Variants in DIO1 observed in about 807,000 individuals in gnomAD.
DIO1 encodes the protein type I iodothyronine deiodinase.
In DIO1, 17 loss-of-function variants were observed where a neutral mutation model predicts 25.9. That is an observed-to-expected ratio of 0.66 (90% CI 0.45 to 0.98). The LOEUF is 0.98. Among genes scored for constraint, DIO1 ranks in the 50% least tolerant of loss-of-function variants. The probability of loss-of-function intolerance (pLI) is 0.00; values close to 1 mark genes in which losing one functional copy is unlikely to be tolerated. For missense variants in DIO1, 270 were observed against 310.4 expected (o/e 0.87, Z 0.98); for synonymous variants, 115 against 114.0 (o/e 1.01, Z -0.05).
At chr1:53,901,321 C>G (rs1019562205) in intron 1 of DIO1, among the ~76,000 whole-genome samples, 1 of 152,110 alleles carries the variant, frequency 6.6e-6, no homozygotes. Flanking sequence ...TTTTCTTGGT[C>G]ACACACACAT....
intron 1 of DIO1, among the ~76,000 whole-genome samples, chr1:53,899,508 T>C (rs1557620994): frequency 6.6e-6 from 1 of 152,198 alleles, no homozygotes. Context: ...GTTTAAACTT[T>C]GCCCTCAATA....
At chr1:53,900,880 T>A (rs1017111257) in intron 1 of DIO1, among the ~76,000 whole-genome samples, 20 of 150,156 alleles carry the variant, frequency 1.3e-4, no homozygotes, top group East Asian at 9.9e-4. Flanking sequence ...AATGGCACAA[T>A]CACAGCTGAC....
At chr1:53,901,359 G>T (rs1023617231) in intron 1 of DIO1, among the ~76,000 whole-genome samples, 2 of 152,148 alleles carry the variant, frequency 1.3e-5, no homozygotes, top group South Asian at 2.1e-4. Context: ...TACTGGAAAG[G>T]TGTTGAGTGC....
At chr1:53,897,303 T>C (rs576424767) in intron 1 of DIO1, among the ~76,000 whole-genome samples, 8 of 152,054 alleles carry the variant, frequency 5.3e-5, no homozygotes, top group Non-Finnish European at 1.0e-4. Flanking sequence ...TGATGAAACC[T>C]CGTCTCTACT....
At chr1:53,900,536 G>A (rs567339537) in intron 1 of DIO1, among the ~76,000 whole-genome samples, 6 of 152,258 alleles carry the variant, frequency 3.9e-5, no homozygotes, top group East Asian at 3.9e-4. Flanking sequence ...CTTGGGAGGC[G>A]GAGGTTGCAG....
chr1:53,906,662 CTT>C (rs554046743), intron 3 of DIO1, among the ~76,000 whole-genome samples: 3 of 144,360 alleles, frequency 2.1e-5, no homozygotes, highest in Admixed American at 6.9e-5. Context: ...TTCTTTCTTT[CTT>C]TTTTTTTTTT....
chr1:53,904,935 A>G (rs891575596), intron 2 of DIO1, 126 bp downstream of exon 2: 3 of 1,048,654 alleles, frequency 2.9e-6, no homozygotes, highest in African/African-American at 3.2e-5. Context: ...AAGAGCCACT[A>G]TTCACTGAGC....
intron 1 of DIO1, among the ~76,000 whole-genome samples, chr1:53,898,883 T>C (rs562378016): frequency 2.7e-4 from 41 of 152,222 alleles, no homozygotes; most frequent in South Asian, 2.3e-3. Context: ...TCTTTACTGA[T>C]AATCTAAAGC....
At position 53,910,033 on chromosome 1, in the gene DIO1, G is replaced by A. The variant is rs114860598; in HGVS notation, c.*34G>A. On this transcript the variant is annotated 3_prime_UTR_variant, in exon 4 of 4. Coordinates refer to ENST00000361921, the MANE Select transcript of DIO1 (RefSeq NM_000792.7). ...GATACCTCAATTCTAGGTGACCAACGGGAGGGCTTCTCAAGGCTTAGCTCT... is the reference window on the plus strand; with the variant it reads ...GATACCTCAATTCTAGGTGACCAACAGGAGGGCTTCTCAAGGCTTAGCTCT... 4,618 of 1,592,078 alleles carry A rather than the reference G, an allele frequency of 2.9e-3. 117 individuals are homozygous for A. The African/African-American group carries it at 0.051, about 17-fold the overall frequency.
In DIO1 at chr1:53,904,697, T is replaced by C. The variant is rs1275699939; in HGVS notation, c.369T>C (p.Ser123=). ...GGCCACTGGTGCTGAATTTTGGAAG[T>C]TGTACCTGACCTTCATTTATGTTCA... is the stretch of plus-strand genomic sequence containing the variant. ...GNRPLVLNFG[S]CTUPSFMFKF... Residue 123 remains serine, a synonymous_variant, in exon 2 of 4, where the codon AGT becomes AGC. Transcript: ENST00000361921. 1.2e-6 allele frequency: 2 copies of C among 1,613,748 alleles called. No individual in the cohort carries two copies. Among genetic ancestry groups the C allele is most frequent in the Non-Finnish European group, 8.5e-7 (1 of 1,179,832 alleles).
rs187682299 is a variant in DIO1, at chr1:53,907,184, G to T, written c.681+890G>T. On this transcript the variant is annotated intron_variant, in intron 3 of 3. Coordinates refer to ENST00000361921, the MANE Select transcript of DIO1 (RefSeq NM_000792.7). ...GAAATGCTGGACGCAGGGATGTGCG[G>T]CAGAAATGCATTTCAGGCTCCCTTT... 4.6e-5 allele frequency among the ~76,000 whole-genome samples: 7 copies of T among 152,310 alleles called. No homozygotes were observed. In the East Asian group the frequency reaches 1.4e-3, roughly 29 times the overall value.
chr1:53,897,882 T>C (rs1299409989), intron 1 of DIO1, among the ~76,000 whole-genome samples: 1 of 152,142 alleles, frequency 6.6e-6, no homozygotes. Flanking sequence ...AAATTAAAAA[T>C]TTTTAATGGT....
intron 2 of DIO1, among the ~76,000 whole-genome samples, chr1:53,905,454 C>T (rs745441355): frequency 6.6e-6 from 1 of 152,074 alleles, no homozygotes; most frequent in African/African-American, 2.4e-5. Context: ...GAATTACAGT[C>T]GTGAGCCACT....
In DIO1 at chr1:53,910,213, C is replaced by T. The variant is rs1429847388; in HGVS notation, c.*214C>T. On this transcript the variant is annotated 3_prime_UTR_variant, in exon 4 of 4. Transcript: ENST00000361921. ...GTTATTATCAGAAAATGAAGCAACA[C>T]TTGAGCTGTTCAGGCCAGTTCCCTG... 17 of 567,790 alleles carry T rather than the reference C, an allele frequency of 3.0e-5. No homozygotes were observed. The highest frequency in any genetic ancestry group is 4.4e-5 in the Non-Finnish European group (14 of 316,302). 35.2% of individuals were successfully genotyped at this position (567,790 alleles called of 1,614,324 possible). A position where few individuals can be genotyped will look rare whatever the true frequency, so the allele number is the denominator to read the frequency against.
At chr1:53,896,207 T>A (rs1651063990) in intron 1 of DIO1, among the ~76,000 whole-genome samples, 2 of 145,734 alleles carry the variant, frequency 1.4e-5, no homozygotes, top group Admixed American at 1.4e-4. Context: ...TTTTTCTTTT[T>A]CTCTTTTTTT....
chr1:53,898,093 C>G (rs1651171020), intron 1 of DIO1, among the ~76,000 whole-genome samples: 3 of 151,982 alleles, frequency 2.0e-5, no homozygotes, highest in Admixed American at 2.0e-4. Context: ...GGGCAGGAAC[C>G]CTGTTAAGAG....
chr1:53,906,792 G>A (rs1045431894), intron 3 of DIO1, among the ~76,000 whole-genome samples: 1 of 152,058 alleles, frequency 6.6e-6, no homozygotes, highest in South Asian at 2.1e-4. Context: ...AAGTAGCTGG[G>A]ACTACAGGCG....
chr1:53,908,822 T>C (rs745728101), intron 3 of DIO1, among the ~76,000 whole-genome samples: 7 of 152,190 alleles, frequency 4.6e-5, no homozygotes, highest in Non-Finnish European at 1.0e-4. Context: ...GAACGTTCAC[T>C]GGCTCACGGC....
Position 53,910,258 on chromosome 1 carries a change from T to C in DIO1, c.*259T>C. ...TCCCTGTTGAAGAAACAGTTCCCTG[T>C]TGAAGAAAGTAGAGCCTGACACTGC... On this transcript the variant is annotated 3_prime_UTR_variant, in exon 4 of 4. Coordinates refer to ENST00000361921, the MANE Select transcript of DIO1 (RefSeq NM_000792.7). 1 of 471,446 alleles carries C rather than the reference T, an allele frequency of 2.1e-6. No individual in the cohort carries two copies. The highest frequency in any genetic ancestry group is 3.9e-6 in the Non-Finnish European group (1 of 257,298). The allele number at this position is 471,446 out of a possible 1,614,324, so 29.2% of individuals were successfully genotyped here.
Sources: allele counts gnomAD v4.1 joint callset (sites outside exome capture counted in the v4.1 genomes callset), GRCh38; gene constraint gnomAD v4.1.1; transcripts MANE v1.5; gene names NCBI Gene and HGNC (gene_info 2026-07-23, HGNC 2026-07-21).